DLG2: variants seen among roughly 807,000 people sequenced by gnomAD.
DLG2 encodes disks large homolog 2.
DLG2 carries 45 observed loss-of-function variants against 132.5 expected under a neutral mutation model. The observed-to-expected ratio is 0.34, with a 90% confidence interval of 0.27 to 0.44. The LOEUF (loss-of-function observed/expected upper bound fraction) is 0.44. Among genes scored for constraint, DLG2 ranks in the 20% least tolerant of loss-of-function variants. The probability of loss-of-function intolerance (pLI) is 1.00; values close to 1 mark genes in which losing one functional copy is unlikely to be tolerated. For missense variants in DLG2, 1,045 were observed against 1,196.9 expected, an observed-to-expected ratio of 0.87 and a Z score of 1.87; for synonymous variants, 424 against 419.6, an observed-to-expected ratio of 1.01 and a Z score of -0.13.
intron 7 of DLG2, among the ~76,000 whole-genome samples, chr11:84,255,906 C>T (rs1240848355): frequency 6.6e-6 from 1 of 151,972 alleles, no homozygotes; most frequent in East Asian, 1.9e-4. Flanking sequence ...TTGCCTTTTA[C>T]ATGACATTCT....
intron 6 of DLG2, among the ~76,000 whole-genome samples, chr11:84,779,443 A>G (rs2071312383): frequency 6.6e-6 from 1 of 152,106 alleles, no homozygotes; most frequent in Non-Finnish European, 1.5e-5. Context: ...TTCACTTATC[A>G]AATCTAGGAG....
intron 3 of DLG2, among the ~76,000 whole-genome samples, chr11:85,555,568 A>C (rs889573275): frequency 2.0e-5 from 3 of 151,894 alleles, no homozygotes; most frequent in Non-Finnish European, 2.9e-5. Flanking sequence ...AAGTACGAGG[A>C]GGGACTCTCT....
intron 11 of DLG2, among the ~76,000 whole-genome samples, chr11:84,002,729 G>T (rs1454475267): frequency 6.6e-6 from 1 of 152,064 alleles, no homozygotes; most frequent in African/African-American, 2.4e-5. Context: ...GTCTGTCATG[G>T]GAGGGGTTGC....
In DLG2 at chr11:83,953,938, A is replaced by G. The variant is rs535595945; in HGVS notation, c.1340+8947T>C. On this transcript the variant is annotated intron_variant, in intron 14 of 27. Transcript: ENST00000376104. ...CTTTTTTGCATCAATGAACTAAAGA[A>G]TGAAAGCAAGGATGAACTTACTCCA... Among the ~76,000 whole-genome samples, 4 of 152,354 alleles carry G rather than the reference A, an allele frequency of 2.6e-5. No homozygotes were observed. In the South Asian group the frequency reaches 8.3e-4, roughly 32 times the overall value.
At chr11:84,878,938 G>C (rs1442479035) in intron 6 of DLG2, among the ~76,000 whole-genome samples, 1 of 152,168 alleles carries the variant, frequency 6.6e-6, no homozygotes, top group Non-Finnish European at 1.5e-5. Flanking sequence ...TGTTTGTCTA[G>C]AGACTGGAAG....
intron 8 of DLG2, chr11:84,166,782 C>A (rs1365321570): frequency 1.1e-5 from 4 of 375,318 alleles, no homozygotes; most frequent in Admixed American, 3.4e-5. Context: ...TGGCTCCCAT[C>A]ATCTTTTGGG....
rs569709910 is a variant in DLG2, at chr11:84,811,073, G to C, written c.358-276342C>G. On this transcript the variant is annotated intron_variant, in intron 6 of 27. Transcript: ENST00000376104. ...TTACCATTGGGGGAAACAGGGTTAA[G>C]GGTATAGGGGATCTAACGCTCTGTA... Among the ~76,000 whole-genome samples the C allele has an allele frequency of 8.5e-5, 13 of 152,240 alleles. 1 individual carries two copies. In the South Asian group the frequency reaches 2.3e-3, roughly 27 times the overall value.
chr11:84,579,054 G>C (rs1000881127), intron 6 of DLG2, among the ~76,000 whole-genome samples: 3 of 151,922 alleles, frequency 2.0e-5, no homozygotes, highest in African/African-American at 7.3e-5. Context: ...AGTGCCTTTT[G>C]CCTCCCGCCA....
chr11:84,971,400 A>C (rs1244782337), intron 6 of DLG2, among the ~76,000 whole-genome samples: 1 of 152,222 alleles, frequency 6.6e-6, no homozygotes, highest in East Asian at 1.9e-4. Flanking sequence ...ACATTTATGA[A>C]TACATTGTGA....
intron 3 of DLG2, among the ~76,000 whole-genome samples, chr11:85,375,904 G>C (rs2152923766): frequency 6.6e-6 from 1 of 152,256 alleles, no homozygotes. Flanking sequence ...AAGATATTTA[G>C]AGATACAGAG....
intron 3 of DLG2, among the ~76,000 whole-genome samples, chr11:85,480,653 A>G (rs2093266351): frequency 6.6e-6 from 1 of 152,228 alleles, no homozygotes; most frequent in African/African-American, 2.4e-5. Flanking sequence ...TTCCACCAGA[A>G]CATTCAATAA....
At chr11:85,021,331 G>A in intron 6 of DLG2, 2 of 1,274,118 alleles carry the variant, frequency 1.6e-6, no homozygotes, top group South Asian at 1.2e-5. Context: ...TAAGTCGAAA[G>A]AAGAGCCATA....
intron 3 of DLG2, among the ~76,000 whole-genome samples, chr11:85,420,311 G>A (rs375089339): frequency 5.3e-5 from 8 of 152,018 alleles, no homozygotes; most frequent in South Asian, 2.1e-4. Flanking sequence ...TGGAAGCTTC[G>A]TCCCAGAGGG....
chr11:84,325,445 T>C (rs911137311), intron 7 of DLG2, among the ~76,000 whole-genome samples: 1 of 152,064 alleles, frequency 6.6e-6, no homozygotes, highest in African/African-American at 2.4e-5. Flanking sequence ...CCCACTTATT[T>C]TTTTGAAATG....
At chr11:85,467,337 C>A (rs1425624968) in intron 3 of DLG2, among the ~76,000 whole-genome samples, 1 of 152,220 alleles carries the variant, frequency 6.6e-6, no homozygotes, top group African/African-American at 2.4e-5. Context: ...CCAGAACTTC[C>A]AACACTATGT....
At chr11:84,574,519 T>A (rs2099494289) in intron 6 of DLG2, among the ~76,000 whole-genome samples, 1 of 152,204 alleles carries the variant, frequency 6.6e-6, no homozygotes, top group Non-Finnish European at 1.5e-5. Flanking sequence ...TTACATTTTG[T>A]AGAAAATTAA....
intron 6 of DLG2, among the ~76,000 whole-genome samples, chr11:84,770,812 A>AT (rs529457483): frequency 0.011 from 1,516 of 141,770 alleles, 22 homozygotes; most frequent in African/African-American, 0.034. Context: ...CGCCTGGCTA[A>AT]TTTTTTTTTT....
intron 18 of DLG2, among the ~76,000 whole-genome samples, chr11:83,739,980 G>A (rs552708791): frequency 2.9e-4 from 44 of 152,306 alleles, no homozygotes; most frequent in Middle Eastern, 3.4e-3. Context: ...TGAGGAAGGT[G>A]ATGACAAGTT....
intron 5 of DLG2, among the ~76,000 whole-genome samples, chr11:85,114,971 T>G (rs932059812): frequency 6.6e-6 from 1 of 151,898 alleles, no homozygotes; most frequent in Non-Finnish European, 1.5e-5. Context: ...CAAATAAAAT[T>G]TTGACCTAAA....
Sources: allele counts gnomAD v4.1 joint callset (sites outside exome capture counted in the v4.1 genomes callset), GRCh38; gene constraint gnomAD v4.1.1; transcripts MANE v1.5; gene names NCBI Gene and HGNC (gene_info 2026-07-23, HGNC 2026-07-21).